Variants in KAZN observed in about 807,000 individuals in gnomAD.
KAZN encodes the protein kazrin, periplakin interacting protein, also known as kazrin.
Under a neutral mutation model 87.4 loss-of-function variants are expected in KAZN, and 40 were observed. That is an observed-to-expected ratio of 0.46 (90% CI 0.36 to 0.60). The LOEUF (loss-of-function observed/expected upper bound fraction) is 0.60, where lower values mean the gene tolerates loss of function less well. Ranked by LOEUF, KAZN falls within the 20% of genes least tolerant of loss-of-function variation. The pLI, the probability that KAZN is intolerant of heterozygous loss-of-function variation, is 0.00. For missense variants in KAZN, 898 were observed against 1,073.9 expected (o/e 0.84, Z 2.29); for synonymous variants, 466 against 458.3 (o/e 1.02, Z -0.22).
chr1:14,739,993 T>C (rs1023492983), intron 1 of KAZN, among the ~76,000 whole-genome samples: 2 of 152,136 alleles, frequency 1.3e-5, no homozygotes, highest in Non-Finnish European at 2.9e-5. Flanking sequence ...TGCTGAGCAG[T>C]TGAGAACGGG....
At chr1:14,636,969 A>G (rs1680037443) in intron 1 of KAZN, among the ~76,000 whole-genome samples, 1 of 152,140 alleles carries the variant, frequency 6.6e-6, no homozygotes, top group Non-Finnish European at 1.5e-5. Flanking sequence ...GCCAAAGGAA[A>G]CCTTAAAAGC....
chr1:14,861,024 C>A (rs557545434), intron 1 of KAZN, among the ~76,000 whole-genome samples: 7 of 152,270 alleles, frequency 4.6e-5, no homozygotes, highest in African/African-American at 1.2e-4. Flanking sequence ...ACCAAAGATA[C>A]AATTTGTGCC....
At chr1:14,434,142 C>T (rs1156421713) in intron 2 of KAZN, among the ~76,000 whole-genome samples, 1 of 152,196 alleles carries the variant, frequency 6.6e-6, no homozygotes, top group East Asian at 1.9e-4. Context: ...CAATCCATTG[C>T]ATTGCCAGAC....
chr1:14,331,730 T>C (rs1270994309), intron 2 of KAZN, among the ~76,000 whole-genome samples: 1 of 152,196 alleles, frequency 6.6e-6, no homozygotes, highest in African/African-American at 2.4e-5. Context: ...TCTAACCATA[T>C]GCTGCTATCC....
chr1:14,260,428 G>A (rs1483087769), intron 2 of KAZN, among the ~76,000 whole-genome samples: 1 of 152,202 alleles, frequency 6.6e-6, no homozygotes, highest in African/African-American at 2.4e-5. Context: ...GGAGAGAACA[G>A]CAGGTGCAAA....
At chr1:14,541,254 T>C (rs1672792312) in intron 2 of KAZN, among the ~76,000 whole-genome samples, 1 of 152,202 alleles carries the variant, frequency 6.6e-6, no homozygotes. Flanking sequence ...TAGCCAGTTT[T>C]TTGAGCTAGC....
rs1476639161 is a variant in KAZN, at chr1:14,781,899, T to C, written c.227-178785T>C. ...AAAATTGTCAATAATTGGTGGTTCATATACGGACTGAATTCCACGATCCAT... is the reference window on the plus strand; with the variant it reads ...AAAATTGTCAATAATTGGTGGTTCACATACGGACTGAATTCCACGATCCAT... On this transcript the variant is annotated intron_variant, in intron 1 of 14. Transcript: ENST00000376030. 2.6e-5 allele frequency among the ~76,000 whole-genome samples: 4 copies of C among 152,250 alleles called. No individual in the cohort carries two copies. The South Asian group carries it at 6.2e-4, about 24-fold the overall frequency.
chr1:14,281,161 C>T (rs1329793533), intron 2 of KAZN, among the ~76,000 whole-genome samples: 1 of 152,128 alleles, frequency 6.6e-6, no homozygotes, highest in Non-Finnish European at 1.5e-5. Flanking sequence ...GCTTGGTTTC[C>T]TTTGATCTAG....
At chr1:15,109,158 G>T (rs1482970566) in intron 13 of KAZN, among the ~76,000 whole-genome samples, 1 of 152,166 alleles carries the variant, frequency 6.6e-6, no homozygotes, top group African/African-American at 2.4e-5. Context: ...GTCGAGGCCG[G>T]TAGATCACTT....
At chr1:14,009,883 G>A (rs1405644081) in intron 1 of KAZN, among the ~76,000 whole-genome samples, 2 of 152,258 alleles carry the variant, frequency 1.3e-5, no homozygotes, top group African/African-American at 4.8e-5. Context: ...GTGGGAGGGT[G>A]TGTACATATT....
At chr1:14,118,054 C>T (rs532560759) in intron 1 of KAZN, among the ~76,000 whole-genome samples, 3 of 152,208 alleles carry the variant, frequency 2.0e-5, no homozygotes, top group African/African-American at 4.8e-5. Context: ...GAGACCGGGG[C>T]GTTGCATGGG....
chr1:14,678,811 G>A (rs766237594), intron 1 of KAZN, among the ~76,000 whole-genome samples: 1 of 152,144 alleles, frequency 6.6e-6, no homozygotes, highest in Non-Finnish European at 1.5e-5. Flanking sequence ...ATATAATGGT[G>A]GATATAATAT....
chr1:13,906,337 C>A (rs1272905062), intron 1 of KAZN, among the ~76,000 whole-genome samples: 1 of 152,158 alleles, frequency 6.6e-6, no homozygotes, highest in African/African-American at 2.4e-5. Context: ...AGAAATAGAG[C>A]AAACAACCTC....
chr1:14,740,220 G>A (rs1644046523), intron 1 of KAZN, among the ~76,000 whole-genome samples: 1 of 152,164 alleles, frequency 6.6e-6, no homozygotes, highest in Admixed American at 6.5e-5. Context: ...ACCAACCGTG[G>A]TATGACACGT....
chr1:15,031,160 T>TAAA (rs914106436), intron 2 of KAZN, among the ~76,000 whole-genome samples: 1 of 152,222 alleles, frequency 6.6e-6, no homozygotes, highest in African/African-American at 2.4e-5. Flanking sequence ...CCTCCAGGTT[T>TAAA]AGGGAGCTTC....
chr1:14,212,901 G>GAAAT, intron 2 of KAZN, among the ~76,000 whole-genome samples: 1 of 152,294 alleles, frequency 6.6e-6, no homozygotes, highest in South Asian at 2.1e-4. Context: ...TTTTATCCAT[G>GAAAT]AAATTAAAGA....
intron 1 of KAZN, among the ~76,000 whole-genome samples, chr1:14,092,240 A>G (rs925313245): frequency 2.7e-5 from 4 of 149,854 alleles, no homozygotes; most frequent in Non-Finnish European, 4.4e-5. Flanking sequence ...ACAGGCGCCC[A>G]CCACCACGCC....
chr1:14,541,701 A>G (rs1672823210), intron 2 of KAZN, among the ~76,000 whole-genome samples: 1 of 152,058 alleles, frequency 6.6e-6, no homozygotes, highest in Non-Finnish European at 1.5e-5. Flanking sequence ...AAGTCTCACT[A>G]CTCTTACAAG....
At chr1:14,376,696 T>C (rs1660942693) in intron 2 of KAZN, among the ~76,000 whole-genome samples, 1 of 152,234 alleles carries the variant, frequency 6.6e-6, no homozygotes, top group South Asian at 2.1e-4. Context: ...CTCAGAGCCA[T>C]GTCCTAACTA....
Sources: allele counts gnomAD v4.1 joint callset (sites outside exome capture counted in the v4.1 genomes callset), GRCh38; gene constraint gnomAD v4.1.1; transcripts MANE v1.5; gene names NCBI Gene and HGNC (gene_info 2026-07-23, HGNC 2026-07-21).